HS3ST3A1: variants seen among roughly 807,000 people sequenced by gnomAD.
HS3ST3A1 encodes heparan sulfate-glucosamine 3-sulfotransferase 3A1.
Under a neutral mutation model 25.7 loss-of-function variants are expected in HS3ST3A1, and 19 were observed. The observed-to-expected ratio is 0.74, with a 90% CI of 0.52 to 1.08. The LOEUF (loss-of-function observed/expected upper bound fraction) is 1.08. Ranked by LOEUF, HS3ST3A1 falls within the 50% of genes least tolerant of loss-of-function variation. The pLI is 0.00. For synonymous variants in HS3ST3A1, 226 were observed against 278.6 expected (o/e 0.81, Z 1.88); for missense variants, 459 against 594.3 (o/e 0.77, Z 2.37).
At chr17:13,545,322 G>A (rs908706006) in intron 1 of HS3ST3A1, among the ~76,000 whole-genome samples, 1 of 152,220 alleles carries the variant, frequency 6.6e-6, no homozygotes, top group Non-Finnish European at 1.5e-5. Flanking sequence ...ACAATGAATG[G>A]AGACATCAGT....
In HS3ST3A1 at chr17:13,496,835, G is replaced by T. The variant is rs181619779; in HGVS notation, c.600-17C>A. The T allele has an allele frequency of 7.5e-6, 12 of 1,607,052 alleles. No individual in the cohort carries two copies. The African/African-American group carries it at 1.5e-4, about 20-fold the overall frequency. On this transcript the variant is annotated splice_polypyrimidine_tract_variant and intron_variant, in intron 1 of 1. Coordinates refer to ENST00000284110, the MANE Select transcript of HS3ST3A1 (RefSeq NM_006042.3). ...ATCAGGTCCCTGAGAAACGCAAAAA[G>T]GCATGTCAGAGATGTGCAGAGAGAG...
At chr17:13,515,908 C>T (rs967536610) in intron 1 of HS3ST3A1, among the ~76,000 whole-genome samples, 39 of 152,052 alleles carry the variant, frequency 2.6e-4, no homozygotes, top group African/African-American at 7.0e-4. Context: ...TGATGTTGAA[C>T]GTCTTTTTAT....
intron 1 of HS3ST3A1, among the ~76,000 whole-genome samples, chr17:13,514,818 C>T (rs1449406292): frequency 2.0e-5 from 3 of 152,170 alleles, no homozygotes; most frequent in Admixed American, 6.5e-5. Flanking sequence ...AATCAGTACA[C>T]ATACTGGATT....
At chr17:13,586,631 G>A (rs908603521) in intron 1 of HS3ST3A1, among the ~76,000 whole-genome samples, 4 of 151,670 alleles carry the variant, frequency 2.6e-5, no homozygotes, top group Non-Finnish European at 4.4e-5. Context: ...ACTTTGGGAC[G>A]CCGAGGCGGG....
chr17:13,578,250 A>G (rs1907997805), intron 1 of HS3ST3A1, among the ~76,000 whole-genome samples: 1 of 152,058 alleles, frequency 6.6e-6, no homozygotes, highest in African/African-American at 2.4e-5. Context: ...AATCTTTTTA[A>G]AAGTCAGGGT....
chr17:13,544,448 G>A (rs576253745), intron 1 of HS3ST3A1, among the ~76,000 whole-genome samples: 18 of 152,324 alleles, frequency 1.2e-4, no homozygotes, highest in Admixed American at 5.2e-4. Flanking sequence ...CCTTTTCTGT[G>A]AGTCACCCTT....
chr17:13,579,983 CATATACTAT>C, intron 1 of HS3ST3A1, among the ~76,000 whole-genome samples: 1 of 141,700 alleles, frequency 7.1e-6, no homozygotes, highest in South Asian at 2.4e-4. Flanking sequence ...AGAAATTATA[CATATACTAT>C]GATCTTAATT....
chr17:13,508,065 C>T (rs774367239), intron 1 of HS3ST3A1, among the ~76,000 whole-genome samples: 4 of 152,156 alleles, frequency 2.6e-5, no homozygotes, highest in East Asian at 1.9e-4. Flanking sequence ...TGAAGCAGCT[C>T]CCACACCAAC....
chr17:13,496,104 A>G lies in HS3ST3A1; in HGVS notation c.*93T>C, dbSNP rs2142285001. Reference sequence around the variant, plus strand: ...TTCATTGAAAAAAATACTGAAACATATTTTCAGCACAAATATTAAACTGTC... The same window carrying G: ...TTCATTGAAAAAAATACTGAAACATGTTTTCAGCACAAATATTAAACTGTC... On this transcript the variant is annotated 3_prime_UTR_variant, in exon 2 of 2. Coordinates refer to ENST00000284110, the MANE Select transcript of HS3ST3A1 (RefSeq NM_006042.3). The G allele has an allele frequency of 7.4e-7, 1 of 1,347,760 alleles. No homozygotes were observed. The allele number at this position is 1,347,760 out of a possible 1,614,324, so 83.5% of individuals were successfully genotyped here. A position where few individuals can be genotyped will look rare whatever the true frequency, so the allele number is the denominator to read the frequency against.
intron 1 of HS3ST3A1, among the ~76,000 whole-genome samples, chr17:13,595,846 G>GGTTGTT (rs66635656): frequency 3.6e-3 from 67 of 18,768 alleles, no homozygotes; most frequent in African/African-American, 9.5e-3. Context: ...AGGCCTTTTT[G>GGTTGTT]GTTGTTGTTG....
At position 13,496,153 on chromosome 17, in the gene HS3ST3A1, A is replaced by T. The variant is rs1345221438; in HGVS notation, c.*44T>A. On this transcript the variant is annotated 3_prime_UTR_variant, in exon 2 of 2. Coordinates refer to ENST00000284110, the MANE Select transcript of HS3ST3A1 (RefSeq NM_006042.3). ...TCTCTTCTCTACCGATTGGTAAAAA[A>T]ATATATTATATTTTGATTTTTTTTT... 6.8e-7 allele frequency: 1 copy of T among 1,471,392 alleles called. No individual in the cohort carries two copies. The highest frequency in any genetic ancestry group is 9.0e-7 in the Non-Finnish European group (1 of 1,115,636). 91.1% of individuals were successfully genotyped at this position (1,471,392 alleles called of 1,614,324 possible). A position where few individuals can be genotyped will look rare whatever the true frequency, so the allele number is the denominator to read the frequency against.
chr17:13,601,518 T>G lies in HS3ST3A1; in HGVS notation c.-389A>C. On this transcript the variant is annotated 5_prime_UTR_variant, in exon 1 of 2. Transcript: ENST00000284110. The stretch of plus-strand genomic sequence containing the variant: ...CTCAGCCCCGGCCCCGAGAGACTTC[T>G]CGGCGCGGATCTCCGCTCAGCGATC... The G allele has an allele frequency of 5.4e-6, 1 of 184,048 alleles. No individual in the cohort carries two copies. The highest frequency in any genetic ancestry group is 1.1e-5 in the Non-Finnish European group (1 of 90,130). 11.4% of individuals were successfully genotyped at this position (184,048 alleles called of 1,614,324 possible).
rs887485849 is a variant in HS3ST3A1 at position 13,495,342 on chromosome 17, C to T, written c.*855G>A. On this transcript the variant is annotated 3_prime_UTR_variant, in exon 2 of 2. Transcript: ENST00000284110. ...AAATAGCCAAGAGGCAAGACTGGCTCTTAAGAGAGGTTGTGTCCAGGTCTC... is the reference window on the plus strand; with the variant it reads ...AAATAGCCAAGAGGCAAGACTGGCTTTTAAGAGAGGTTGTGTCCAGGTCTC... 6.6e-5 allele frequency among the ~76,000 whole-genome samples: 10 copies of T among 152,216 alleles called. No individual in the cohort carries two copies. The East Asian group carries it at 1.7e-3, about 26-fold the overall frequency.
In HS3ST3A1 at chr17:13,543,117, T is replaced by C. The variant is rs571492506; in HGVS notation, c.600-46299A>G. On this transcript the variant is annotated intron_variant, in intron 1 of 1. Transcript: ENST00000284110. The stretch of plus-strand genomic sequence containing the variant: ...TGTAATATCCTTTGTAATAAGTGGG[T>C]CAACATAAGTGTTTCCCCGAGTTCT... 2.7e-3 allele frequency among the ~76,000 whole-genome samples: 417 copies of C among 152,274 alleles called. 5 individuals are homozygous for C. The highest frequency in any genetic ancestry group is 4.8e-3 in the Non-Finnish European group (329 of 68,018).
intron 1 of HS3ST3A1, among the ~76,000 whole-genome samples, chr17:13,507,085 A>C (rs990619691): frequency 1.1e-4 from 16 of 151,346 alleles, no homozygotes; most frequent in Non-Finnish European, 2.1e-4. Context: ...AAAAAAAAAA[A>C]ACAAAAAAAG....
At chr17:13,514,943 T>A (rs1388632393) in intron 1 of HS3ST3A1, among the ~76,000 whole-genome samples, 1 of 152,200 alleles carries the variant, frequency 6.6e-6, no homozygotes, top group African/African-American at 2.4e-5. Flanking sequence ...AAAAGCCATA[T>A]AATTTTCCTA....
Position 13,495,871 on chromosome 17 carries a change from AAG to A in HS3ST3A1, c.*324_*325del, listed in dbSNP as rs745676297. The A allele has an allele frequency of 7.3e-5, 15 of 206,110 alleles. No individual in the cohort carries two copies. The highest frequency in any genetic ancestry group is 5.5e-4 in the Admixed American group (10 of 18,264). The allele number at this position is 206,110 out of a possible 1,614,324, so 12.8% of individuals were successfully genotyped here. A position where few individuals can be genotyped will look rare whatever the true frequency, so the allele number is the denominator to read the frequency against. ...TTATCAGGGCCTTGTATTTTAAAAA[AAG>A]AGAGAGAGATGTTTAACCTCAAGAT... is the stretch of plus-strand genomic sequence containing the variant. On this transcript the variant is annotated 3_prime_UTR_variant, in exon 2 of 2. Coordinates refer to ENST00000284110, the MANE Select transcript of HS3ST3A1 (RefSeq NM_006042.3).
chr17:13,585,366 A>G (rs573802997), intron 1 of HS3ST3A1, among the ~76,000 whole-genome samples: 5 of 150,744 alleles, frequency 3.3e-5, no homozygotes, highest in Non-Finnish European at 7.4e-5. Flanking sequence ...CGCCCGGCTA[A>G]TTTTTGTATT....
chr17:13,517,877 C>T (rs1444432831), intron 1 of HS3ST3A1, among the ~76,000 whole-genome samples: 1 of 152,202 alleles, frequency 6.6e-6, no homozygotes, highest in Non-Finnish European at 1.5e-5. Flanking sequence ...CTCCTGACCT[C>T]AGGTGATCCA....
Sources: allele counts gnomAD v4.1 joint callset (sites outside exome capture counted in the v4.1 genomes callset), GRCh38; gene constraint gnomAD v4.1.1; transcripts MANE v1.5; gene names NCBI Gene and HGNC (gene_info 2026-07-23, HGNC 2026-07-21).